The following NECTIN2 variants were observed in gnomAD, a reference collection of about 807,000 sequenced individuals.
NECTIN2 encodes nectin-2.
A neutral mutation model predicts 56.9 loss-of-function variants in NECTIN2; 23 were observed. The ratio of observed to expected loss-of-function variants is 0.40; its 90% CI spans 0.29 to 0.57. The LOEUF is 0.57. Ranked by LOEUF, NECTIN2 falls within the 20% of genes least tolerant of loss-of-function variation. The probability of loss-of-function intolerance (pLI) is 0.38; values close to 1 mark genes in which losing one functional copy is unlikely to be tolerated. For synonymous variants in NECTIN2, 302 were observed against 313.8 expected, an observed-to-expected ratio of 0.96 and a Z score of 0.40; for missense variants, 587 against 718.3, an observed-to-expected ratio of 0.82 and a Z score of 2.09.
At chr19:44,852,770 T>C (rs573484982) in intron 1 of NECTIN2, among the ~76,000 whole-genome samples, 2 of 151,950 alleles carry the variant, frequency 1.3e-5, no homozygotes, top group Admixed American at 6.6e-5. Context: ...TCCTGATAGA[T>C]TGCTTATGAG....
intron 6 of NECTIN2, among the ~76,000 whole-genome samples, chr19:44,884,565 C>T (rs557933252): frequency 1.4e-4 from 22 of 152,350 alleles, no homozygotes; most frequent in African/African-American, 4.8e-4. Flanking sequence ...TGCTGCTGAT[C>T]TCCTCTGTGT....
At chr19:44,878,504 G>C in intron 5 of NECTIN2, 1 of 1,614,100 alleles carries the variant, frequency 6.2e-7, no homozygotes, top group South Asian at 1.1e-5. Flanking sequence ...GGAGGAGGAG[G>C]AGGAGGAAGA....
rs768454344 is a variant in NECTIN2, at chr19:44,872,146, C to T, written c.772C>T (p.Arg258Cys). 2.7e-5 allele frequency: 44 copies of T among 1,612,256 alleles called. No homozygotes were observed. The highest frequency in any genetic ancestry group is 5.5e-5 in the South Asian group (5 of 91,064). Residue 258 changes from arginine to cysteine, a missense_variant, in exon 3 of 9, where the codon CGC becomes TGC. Coordinates refer to ENST00000252483, the MANE Select transcript of NECTIN2 (RefSeq NM_001042724.2). ...CCTGATACCTGTGACCCTCTCTGTACGCTGTGAGTGTATCGGGGGTGACCC... is the reference window on the plus strand; with the variant it reads ...CCTGATACCTGTGACCCTCTCTGTATGCTGTGAGTGTATCGGGGGTGACCC... ...PALIPVTLSV[R>C]YPPEVSISGY...
intron 6 of NECTIN2, among the ~76,000 whole-genome samples, chr19:44,883,435 C>A (rs1969329618): frequency 6.6e-6 from 1 of 152,110 alleles, no homozygotes; most frequent in South Asian, 2.1e-4. Flanking sequence ...CCACCACGCC[C>A]GGCTAATTTT....
chr19:44,878,688 G>A, intron 5 of NECTIN2: 1 of 1,524,162 alleles, frequency 6.6e-7, no homozygotes, highest in Non-Finnish European at 8.8e-7. Flanking sequence ...GCCGGCCTAG[G>A]GTTCCAGACT....
chr19:44,856,214 C>T (rs934422461), intron 1 of NECTIN2, among the ~76,000 whole-genome samples: 1 of 152,176 alleles, frequency 6.6e-6, no homozygotes, highest in African/African-American at 2.4e-5. Context: ...GGCAGAATTG[C>T]TTGAACCCAG....
At chr19:44,887,230 T>C (rs1008176624) in intron 8 of NECTIN2, among the ~76,000 whole-genome samples, 5 of 151,898 alleles carry the variant, frequency 3.3e-5, no homozygotes, top group Non-Finnish European at 7.4e-5. Context: ...GCTCCTGTAA[T>C]CCCAGCTATT....
intron 2 of NECTIN2, among the ~76,000 whole-genome samples, chr19:44,871,619 T>G (rs1969175169): frequency 6.6e-6 from 1 of 152,144 alleles, no homozygotes; most frequent in African/African-American, 2.4e-5. Flanking sequence ...TATCAATGTA[T>G]TATTTAATTC....
At chr19:44,868,943 G>A (rs1969138191) in intron 2 of NECTIN2, among the ~76,000 whole-genome samples, 1 of 151,422 alleles carries the variant, frequency 6.6e-6, no homozygotes, top group African/African-American at 2.4e-5. Flanking sequence ...GAAGTCCCCT[G>A]GGAGCCCACC....
At position 44,871,833 on chromosome 19, in the gene NECTIN2, CCCTCTCCT is replaced by C; in HGVS notation, c.479-12_479-5del. The C allele has an allele frequency of 6.2e-7, 1 of 1,606,292 alleles. No individual in the cohort carries two copies. Among genetic ancestry groups the C allele is most frequent in the South Asian group, 1.1e-5 (1 of 90,804 alleles). On this transcript the variant is annotated splice_polypyrimidine_tract_variant and intron_variant, in intron 2 of 8. Transcript: ENST00000252483. ...GACTGCCGGTGAGGAGTGACGCACC[CCCTCTCCT>C]CCTCTCCCCAGCCAAGCCCAAGAAC...
chr19:44,875,438 G>A lies in NECTIN2; in HGVS notation c.1042+960G>A, dbSNP rs907987663. Among the ~76,000 whole-genome samples the A allele has an allele frequency of 1.3e-5, 2 of 152,110 alleles. No homozygotes were observed. Among genetic ancestry groups the A allele is most frequent in the Admixed American group, 6.5e-5 (1 of 15,272 alleles). ...TCACCACCAAACCCGGCTAAGTTTT[G>A]TATTTTTAGTAGAGACAGGGTTTCA... On this transcript the variant is annotated intron_variant, in intron 5 of 8. Coordinates refer to ENST00000252483, the MANE Select transcript of NECTIN2 (RefSeq NM_001042724.2). The surrounding 1 kb of genome is among the most constrained non-coding windows in gnomAD (Gnocchi z 4.2).
In NECTIN2 at chr19:44,865,673, A is replaced by C; in HGVS notation, c.478+13A>C. On this transcript the variant is annotated intron_variant, in intron 2 of 8. Transcript: ENST00000252483. This position sits in a 1 kb window ranked among gnomAD's most constrained non-coding sequence, Gnocchi z 5.2. Reference sequence around the variant, plus strand: ...CTCAGAGTCATAGGTGAGCAGGGTAAGGGCGGGAGGCAAGGAGGTGGGAGG... The same window carrying C: ...CTCAGAGTCATAGGTGAGCAGGGTACGGGCGGGAGGCAAGGAGGTGGGAGG... 6.7e-7 allele frequency: 1 copy of C among 1,499,378 alleles called. No homozygotes were observed. The highest frequency in any genetic ancestry group is 8.9e-7 in the Non-Finnish European group (1 of 1,122,974). 92.9% of individuals were successfully genotyped at this position (1,499,378 alleles called of 1,614,324 possible).
At position 44,875,320 on chromosome 19, in the gene NECTIN2, T is replaced by C. The variant is rs568493321; in HGVS notation, c.1042+842T>C. Among the ~76,000 whole-genome samples the C allele has an allele frequency of 1.8e-3, 267 of 151,394 alleles. 1 individual carries two copies. Among genetic ancestry groups the C allele is most frequent in the African/African-American group, 6.2e-3 (255 of 41,218 alleles). On this transcript the variant is annotated intron_variant, in intron 5 of 8. Transcript: ENST00000252483. The surrounding 1 kb of genome is among the most constrained non-coding windows in gnomAD (Gnocchi z 4.2). The stretch of plus-strand genomic sequence containing the variant: ...TCGCTCTGTCGCCCAGGCTGAAGTG[T>C]AGTGGCGCAATCTCAGCTCACCGCA...
chr19:44,883,517 C>G (rs1026660112), intron 6 of NECTIN2, among the ~76,000 whole-genome samples: 1 of 152,170 alleles, frequency 6.6e-6, no homozygotes. Flanking sequence ...TCAAGTGATC[C>G]ACCCGCCTCG....
rs1450705688 is a variant in NECTIN2 at position 44,886,183 on chromosome 19, C to T, written c.1311C>T (p.Thr437=). The T allele has an allele frequency of 7.4e-6, 12 of 1,612,690 alleles. No individual in the cohort carries two copies. The highest frequency in any genetic ancestry group is 8.5e-6 in the Non-Finnish European group (10 of 1,179,882). Residue 437 remains threonine (T), a synonymous_variant, in exon 8 of 9, where the codon ACC becomes ACT. Coordinates refer to ENST00000252483, the MANE Select transcript of NECTIN2 (RefSeq NM_001042724.2). ...CCTCGGAGCACAGCCCACTCAAGAC[C>T]CCCTACTTTGATGCTGGCGCCTCAT... ...LGASEHSPLK[T]PYFDAGASCT... is the part of the protein sequence containing the mutation.
rs1202197538 is a variant in NECTIN2 at position 44,865,524 on chromosome 19, A to G, written c.342A>G (p.Gln114=). The stretch of plus-strand genomic sequence containing the variant: ...TCTCTGCCAAGCAGAGCACTGGGCA[A>G]GACACAGAGGCAGAGCTCCAGGACG... ...SFVSAKQSTG[Q]DTEAELQDAT... The change falls in exon 2 of 9, where the codon CAA becomes CAG. Residue 114 remains glutamine (Q), a synonymous_variant. Coordinates refer to ENST00000252483, the MANE Select transcript of NECTIN2 (RefSeq NM_001042724.2). The surrounding 1 kb of genome is among the most constrained non-coding windows in gnomAD (Gnocchi z 5.2). The G allele has an allele frequency of 6.3e-7, 1 of 1,591,576 alleles. No homozygotes were observed. The highest frequency in any genetic ancestry group is 8.5e-7 in the Non-Finnish European group (1 of 1,169,786).
intron 3 of NECTIN2, 152 bp from the exon 4 acceptor site, chr19:44,873,764 C>T: frequency 3.1e-6 from 2 of 646,564 alleles, no homozygotes; most frequent in Non-Finnish European, 2.8e-6. Context: ...CATCAGCACA[C>T]AACAGCCTGG....
intron 1 of NECTIN2, among the ~76,000 whole-genome samples, chr19:44,850,971 C>T (rs1968892376): frequency 6.6e-6 from 1 of 152,112 alleles, no homozygotes; most frequent in South Asian, 2.1e-4. Flanking sequence ...GCCAGCCAGG[C>T]AGGAGTCCAG....
Position 44,846,373 on chromosome 19 carries a change from G to A in NECTIN2, c.-153G>A. 2 of 977,958 alleles carry A rather than the reference G, an allele frequency of 2.0e-6. No homozygotes were observed. Among genetic ancestry groups the A allele is most frequent in the Non-Finnish European group, 2.8e-6 (2 of 725,532 alleles). 60.6% of individuals were successfully genotyped at this position (977,958 alleles called of 1,614,324 possible). On this transcript the variant is annotated 5_prime_UTR_variant, in exon 1 of 9. Coordinates refer to ENST00000252483, the MANE Select transcript of NECTIN2 (RefSeq NM_001042724.2). The stretch of plus-strand genomic sequence containing the variant: ...CGAGCCGGGCGGGGAGAGCTGGGCC[G>A]GGAGAGCAGAACAGGGAGGCTAGAG...
Sources: allele counts gnomAD v4.1 joint callset (sites outside exome capture counted in the v4.1 genomes callset), GRCh38; gene constraint gnomAD v4.1.1; non-coding constraint Gnocchi (gnomAD v3.1); transcripts MANE v1.5; gene names NCBI Gene and HGNC (gene_info 2026-07-23, HGNC 2026-07-21).